UBAC1: variants seen among roughly 807,000 people sequenced by gnomAD.
UBAC1 encodes UBA domain containing 1.
In UBAC1, 27 loss-of-function variants were observed where a neutral mutation model predicts 45.9. The ratio of observed to expected loss-of-function variants is 0.59; its 90% CI spans 0.43 to 0.81. The LOEUF (loss-of-function observed/expected upper bound fraction) is 0.81. UBAC1 is among the 30% of genes least tolerant of loss of function. The pLI, the probability that UBAC1 is intolerant of heterozygous loss-of-function variation, is 0.00. For missense variants in UBAC1, 529 were observed against 539.2 expected (o/e 0.98, Z 0.19); for synonymous variants, 227 against 215.5 (o/e 1.05, Z -0.47).
rs1588528254 is a variant in UBAC1, at chr9:135,933,333, A to G, written c.*67T>C. ...GAAGGTGAGTTTCCAGGTGAGGTCC[A>G]CTCTGCCCGGTCTCGGGCCGCACCA... On this transcript the variant is annotated 3_prime_UTR_variant, in exon 10 of 10. Coordinates refer to ENST00000371756, the MANE Select transcript of UBAC1 (RefSeq NM_016172.3). The G allele has an allele frequency of 1.0e-5, 14 of 1,374,146 alleles. No homozygotes were observed. The highest frequency in any genetic ancestry group is 1.7e-5 in the Admixed American group (1 of 59,252). 85.1% of individuals were successfully genotyped at this position (1,374,146 alleles called of 1,614,324 possible). A position where few individuals can be genotyped will look rare whatever the true frequency, so the allele number is the denominator to read the frequency against.
rs1475948271 is a variant in UBAC1, at chr9:135,939,718, C to T, written c.918G>A (p.Glu306=). Residue 306 remains glutamate (E), a synonymous_variant, in exon 8 of 10, where the codon GAG becomes GAA. Transcript: ENST00000371756. ...TGTTCACTCTGAGGGCATCTATCACCTCTTTCTCGTCGAACCCCATCTCCA... is the reference window on the plus strand; with the variant it reads ...TGTTCACTCTGAGGGCATCTATCACTTCTTTCTCGTCGAACCCCATCTCCA... ...SLMEMGFDEK[E]VIDALRVNNN... 6.2e-7 allele frequency: 1 copy of T among 1,614,098 alleles called. No homozygotes were observed. The highest frequency in any genetic ancestry group is 8.5e-7 in the Non-Finnish European group (1 of 1,179,930).
chr9:135,945,211 G>C lies in UBAC1; in HGVS notation c.693C>G (p.His231Gln). The C allele has an allele frequency of 6.2e-7, 1 of 1,607,772 alleles. No individual in the cohort carries two copies. The highest frequency in any genetic ancestry group is 8.5e-7 in the Non-Finnish European group (1 of 1,177,050). The change falls in exon 7 of 10, where the codon CAC becomes CAG. Residue 231 changes from histidine to glutamine, a missense_variant. By Grantham distance (24) the His-to-Gln change is conservative. Transcript: ENST00000371756. ...GCGTGTCTATGGTCGGGTCTTCTGC[G>C]TGTTCAATTAGCCACTCCATGGCCT... ...VPQAMEWLIEHAEDPTIDTPL... is the reference protein window; with the variant it reads ...VPQAMEWLIEQAEDPTIDTPL...
At chr9:135,941,205 A>C (rs1839265868) in intron 7 of UBAC1, among the ~76,000 whole-genome samples, 1 of 152,200 alleles carries the variant, frequency 6.6e-6, no homozygotes, top group Non-Finnish European at 1.5e-5. Flanking sequence ...CAGGAGTTTG[A>C]GACCAGCCTG....
chr9:135,939,497 A>G (rs1588530760), intron 8 of UBAC1, among the ~76,000 whole-genome samples, 176 bp downstream of exon 8: 1 of 147,736 alleles, frequency 6.8e-6, no homozygotes, highest in African/African-American at 2.6e-5. Context: ...ACCACAGCCC[A>G]CACTCACTCA....
intron 3 of UBAC1, among the ~76,000 whole-genome samples, chr9:135,949,985 C>T (rs978562695): frequency 7.9e-5 from 12 of 152,192 alleles, no homozygotes; most frequent in Non-Finnish European, 1.3e-4. Flanking sequence ...GGAATGCAGG[C>T]CGCGCCCAGG....
intron 4 of UBAC1, among the ~76,000 whole-genome samples, chr9:135,947,358 T>C (rs1389433846): frequency 1.3e-5 from 2 of 152,072 alleles, no homozygotes; most frequent in Admixed American, 6.6e-5. Context: ...TTCAAGTGAT[T>C]CTCCTGTCTC....
chr9:135,939,538 A>G (rs1428633361), intron 8 of UBAC1, 135 bp downstream of exon 8: 6 of 735,304 alleles, frequency 8.2e-6, no homozygotes, highest in African/African-American at 2.3e-5. Flanking sequence ...GCCCCCACTC[A>G]CTCACCACAG....
chr9:135,956,463 T>C (rs948592631), intron 1 of UBAC1, among the ~76,000 whole-genome samples: 5 of 152,212 alleles, frequency 3.3e-5, no homozygotes, highest in African/African-American at 7.2e-5. Context: ...CAAACACTGA[T>C]GGTGCCGTGT....
intron 9 of UBAC1, among the ~76,000 whole-genome samples, chr9:135,937,150 C>T (rs1839210755): frequency 6.6e-6 from 1 of 152,160 alleles, no homozygotes; most frequent in East Asian, 1.9e-4. Flanking sequence ...GCCCTCCCAA[C>T]ATCCAGGAAC....
At chr9:135,957,314 A>G (rs1839478727) in intron 1 of UBAC1, among the ~76,000 whole-genome samples, 1 of 152,126 alleles carries the variant, frequency 6.6e-6, no homozygotes, top group African/African-American at 2.4e-5. Flanking sequence ...TGGATTTGAC[A>G]ATGGCTCTGC....
At chr9:135,938,665 T>C (rs1057388428) in intron 8 of UBAC1, among the ~76,000 whole-genome samples, 3 of 152,172 alleles carry the variant, frequency 2.0e-5, no homozygotes, top group Non-Finnish European at 4.4e-5. Context: ...CCCAGGAGTG[T>C]TGGGAAGGTG....
chr9:135,937,537 A>C lies in UBAC1; in HGVS notation c.1102+685T>G, dbSNP rs754345574. On this transcript the variant is annotated intron_variant, in intron 9 of 9. Transcript: ENST00000371756. ...GCCTTCCATCAAGAAAATACTCCACAACCCCCACAAAGAACGCAGTCAGTC... is the reference window on the plus strand; with the variant it reads ...GCCTTCCATCAAGAAAATACTCCACCACCCCCACAAAGAACGCAGTCAGTC... 1.1e-3 allele frequency among the ~76,000 whole-genome samples: 161 copies of C among 152,140 alleles called. 1 individual carries two copies. Among genetic ancestry groups the C allele is most frequent in the Non-Finnish European group, 1.6e-3 (110 of 68,000 alleles).
In UBAC1 at chr9:135,933,076, G is replaced by A. The variant is rs979449549; in HGVS notation, c.*324C>T. On this transcript the variant is annotated 3_prime_UTR_variant, in exon 10 of 10. Transcript: ENST00000371756. ...ACCTACCTCCGTCAAATAACAAGTG[G>A]ACTCTCCAAGCAAATGTCTACACGG... 24 of 242,572 alleles carry A rather than the reference G, an allele frequency of 9.9e-5. No individual in the cohort carries two copies. Among genetic ancestry groups the A allele is most frequent in the African/African-American group, 1.8e-4 (8 of 44,688 alleles). 15.0% of individuals were successfully genotyped at this position (242,572 alleles called of 1,614,324 possible).
intron 7 of UBAC1, 47 bp from the exon 8 acceptor site, chr9:135,939,806 G>A (rs775779052): frequency 7.0e-6 from 11 of 1,562,984 alleles, no homozygotes; most frequent in South Asian, 3.5e-5. Flanking sequence ...GCAGGAGGCC[G>A]AGGAACCAGT....
intron 9 of UBAC1, among the ~76,000 whole-genome samples, chr9:135,934,398 T>C (rs1839181130): frequency 6.6e-6 from 1 of 152,224 alleles, no homozygotes; most frequent in East Asian, 1.9e-4. Flanking sequence ...CGGTGGCTCA[T>C]GCCTGTAATT....
intron 3 of UBAC1, among the ~76,000 whole-genome samples, chr9:135,951,493 A>C (rs1410247144): frequency 6.6e-6 from 1 of 151,920 alleles, no homozygotes; most frequent in Non-Finnish European, 1.5e-5. Flanking sequence ...CTGTCTCTAA[A>C]ACAAAAACAA....
At chr9:135,949,713 G>A (rs572063044) in intron 3 of UBAC1, among the ~76,000 whole-genome samples, 89 of 152,370 alleles carry the variant, frequency 5.8e-4, no homozygotes, top group African/African-American at 2.0e-3. Context: ...TCCTGCGGCA[G>A]GCAGAACTCG....
At chr9:135,946,213 C>G (rs1839332318) in intron 5 of UBAC1, 56 bp downstream of exon 5, 11 of 1,301,514 alleles carry the variant, frequency 8.5e-6, no homozygotes, top group South Asian at 1.2e-5. Context: ...GCTGCAGACG[C>G]TCCCCAAGGC....
chr9:135,960,232 T>C (rs1022340204), intron 1 of UBAC1, among the ~76,000 whole-genome samples: 12 of 152,326 alleles, frequency 7.9e-5, no homozygotes, highest in African/African-American at 2.4e-4. Context: ...ACAGGCTTCT[T>C]AGCTGACCTT....
Sources: gnomAD v4.1 joint callset for allele counts (sites outside exome capture counted in the v4.1 genomes callset) on GRCh38, gnomAD v4.1.1 for gene constraint, MANE v1.5 for transcripts, NCBI Gene and HGNC (gene_info 2026-07-23, HGNC 2026-07-21) for gene names.